ZNF18: variants seen among roughly 807,000 people sequenced by gnomAD.
The protein encoded by ZNF18 is zinc finger protein 18, also known as heart development-specific gene 1 protein.
Under a neutral mutation model 58.1 loss-of-function variants are expected in ZNF18, and 42 were observed. The observed-to-expected ratio is 0.72, with a 90% confidence interval of 0.56 to 0.93. ZNF18 has a LOEUF of 0.93. ZNF18 is among the 40% of genes least tolerant of loss of function. The pLI is 0.00. For synonymous variants in ZNF18, 231 were observed against 239.8 expected (o/e 0.96, Z 0.34); for missense variants, 540 against 644.2 (o/e 0.84, Z 1.75).
At chr17:11,983,531 A>T (rs1299314011) in intron 5 of ZNF18, 124 bp from the exon 6 acceptor site, 10 of 704,546 alleles carry the variant, frequency 1.4e-5, no homozygotes, top group Non-Finnish European at 2.5e-5. Context: ...ACTTGCAGAA[A>T]CTCACCTTAG....
At chr17:11,989,136 G>A (rs1299471118) in intron 4 of ZNF18, among the ~76,000 whole-genome samples, 1 of 150,478 alleles carries the variant, frequency 6.6e-6, no homozygotes, top group Non-Finnish European at 1.5e-5. Context: ...TCCAGCCTAG[G>A]CAACACAGCA....
At chr17:12,016,304 A>C in the ZNF18 span, among the ~76,000 whole-genome samples, 1 of 151,312 alleles carries the variant, frequency 6.6e-6, no homozygotes, top group African/African-American at 2.4e-5. Context: ...TTACTTGTTT[A>C]TTTCTTTTTA....
chr17:12,019,206 C>T, the ZNF18 span, among the ~76,000 whole-genome samples: 2 of 151,906 alleles, frequency 1.3e-5, no homozygotes, highest in African/African-American at 4.8e-5. Context: ...TCACGTAATC[C>T]ACCCGCCTTG....
chr17:11,980,611 G>T (rs1597947306), intron 6 of ZNF18, among the ~76,000 whole-genome samples: 1 of 152,082 alleles, frequency 6.6e-6, no homozygotes, highest in South Asian at 2.1e-4. Context: ...GTTAGATGGG[G>T]TTTCACCATG....
intron 4 of ZNF18, among the ~76,000 whole-genome samples, chr17:11,987,679 C>T (rs1251321594): frequency 6.6e-6 from 1 of 152,164 alleles, no homozygotes; most frequent in Non-Finnish European, 1.5e-5. Flanking sequence ...GTACCTACTA[C>T]AGAAACAACA....
At chr17:12,011,269 T>C in the ZNF18 span, 6 of 355,642 alleles carry the variant, frequency 1.7e-5, no homozygotes, top group African/African-American at 1.0e-4. Context: ...AATCATATTT[T>C]GAATGAAACT....
chr17:12,020,874 T>C, the ZNF18 span: 2 of 1,084,008 alleles, frequency 1.8e-6, no homozygotes, highest in Non-Finnish European at 2.3e-6. Flanking sequence ...CGCTCGGCTC[T>C]TCACTCCCAA....
the ZNF18 span, among the ~76,000 whole-genome samples, chr17:12,007,812 A>G: frequency 9.2e-5 from 14 of 152,128 alleles, no homozygotes; most frequent in African/African-American, 2.9e-4. Flanking sequence ...GATCAATTTT[A>G]AAAAGCAAGC....
Position 11,978,911 on chromosome 17 carries a change from G to A in ZNF18, c.863-167C>T, listed in dbSNP as rs1967169123. Among the ~76,000 whole-genome samples the A allele has an allele frequency of 3.7e-5, 4 of 107,962 alleles. No individual in the cohort carries two copies. In the Admixed American group the frequency reaches 5.6e-4, roughly 15 times the overall value. The allele number at this position is 107,962 out of a possible 152,430, so 70.8% of individuals were successfully genotyped here. ...AAGAAAACTACCATATGGCCCAAAT[G>A]TTCAAACTCACTTCCCCTGTCCTGG... On this transcript the variant is annotated intron_variant, in intron 6 of 6. Transcript: ENST00000580306.
At chr17:11,999,750 A>G (rs1968624780), upstream of ZNF18, among the ~76,000 whole-genome samples, 2 of 152,360 alleles carry the variant, frequency 1.3e-5, no homozygotes, top group South Asian at 4.1e-4. Context: ...GGTGTTGTGA[A>G]GAAAATTACA....
chr17:11,990,655 A>T (rs1305241906), intron 3 of ZNF18, 105 bp from the exon 4 acceptor site: 1 of 843,856 alleles, frequency 1.2e-6, no homozygotes, highest in African/African-American at 1.7e-5. Flanking sequence ...CCTGAACAAT[A>T]CCTGTACTGC....
chr17:12,005,039 TAA>T, the ZNF18 span, among the ~76,000 whole-genome samples: 1 of 151,050 alleles, frequency 6.6e-6, no homozygotes, highest in African/African-American at 2.4e-5. Flanking sequence ...ATACACACAC[TAA>T]GTTTAAATAC....
chr17:11,994,824 G>A (rs918238714), intron 1 of ZNF18, among the ~76,000 whole-genome samples: 4 of 152,094 alleles, frequency 2.6e-5, no homozygotes, highest in Non-Finnish European at 5.9e-5. Context: ...CTGGGCGACA[G>A]AGCGAGACTC....
At chr17:11,978,845 T>TTC in intron 6 of ZNF18, 101 bp from the exon 7 acceptor site, 3 of 684,240 alleles carry the variant, frequency 4.4e-6, no homozygotes, top group Admixed American at 7.6e-5. Context: ...ATTTTCTTTT[T>TTC]TTTTTTTTTT....
the ZNF18 span, among the ~76,000 whole-genome samples, chr17:12,016,038 G>T: frequency 6.6e-6 from 1 of 152,166 alleles, no homozygotes; most frequent in African/African-American, 2.4e-5. Flanking sequence ...TAATCTGTCT[G>T]CCTTGGCCTC....
chr17:11,997,001 T>C (rs1968510303), intron 1 of ZNF18: 2 of 152,288 alleles, frequency 1.3e-5, no homozygotes, highest in African/African-American at 4.8e-5. Context: ...TCATTGGATA[T>C]GTATTCTCCA....
the ZNF18 span, among the ~76,000 whole-genome samples, chr17:12,018,664 G>C: frequency 2.6e-5 from 4 of 152,148 alleles, no homozygotes; most frequent in African/African-American, 9.7e-5. Flanking sequence ...AGAGAAATGT[G>C]AGCATAAGAA....
At chr17:11,981,318 CTTTTTTT>C (rs35186030) in intron 6 of ZNF18, among the ~76,000 whole-genome samples, 1 of 135,854 alleles carries the variant, frequency 7.4e-6, no homozygotes. Flanking sequence ...CACATATCCT[CTTTTTTT>C]TTTTTTTTTT....
chr17:12,021,112 G>T, the ZNF18 span: 1 of 574,552 alleles, frequency 1.7e-6, no homozygotes, highest in Non-Finnish European at 2.5e-6. Context: ...CACGGCAGCC[G>T]CCGGCTTCTC....
Sources: allele counts gnomAD v4.1 joint callset (sites outside exome capture counted in the v4.1 genomes callset), GRCh38; gene constraint gnomAD v4.1.1; transcripts MANE v1.5; gene names NCBI Gene and HGNC (gene_info 2026-07-23, HGNC 2026-07-21).